Variants in NDC1 observed in about 807,000 individuals in gnomAD.
NDC1 encodes nucleoporin NDC1.
In NDC1, 24 loss-of-function variants were observed where a neutral mutation model predicts 89.8. That is an observed-to-expected ratio of 0.27 (90% CI 0.19 to 0.38). The LOEUF (loss-of-function observed/expected upper bound fraction) is 0.38, where lower values mean the gene tolerates loss of function less well. Ranked by LOEUF, NDC1 falls within the 10% of genes least tolerant of loss-of-function variation. The pLI is 1.00. For synonymous variants in NDC1, 296 were observed against 284.8 expected (o/e 1.04, Z -0.39); for missense variants, 728 against 797.6 (o/e 0.91, Z 1.05).
chr1:53,834,169 C>T (rs1649156281), intron 2 of NDC1, among the ~76,000 whole-genome samples: 1 of 152,226 alleles, frequency 6.6e-6, no homozygotes, highest in Non-Finnish European at 1.5e-5. Flanking sequence ...AAATCAAATC[C>T]AACCTGCAGA....
At chr1:53,815,665 ACT>A (rs1409449658) in intron 6 of NDC1, among the ~76,000 whole-genome samples, 1 of 152,188 alleles carries the variant, frequency 6.6e-6, no homozygotes, top group African/African-American at 2.4e-5. Context: ...TCAAACTGTC[ACT>A]GTTTGCTGAT....
In NDC1 at chr1:53,768,005, T is replaced by C. The variant is rs374774558; in HGVS notation, c.1990A>G (p.Lys664Glu). Residue 664 changes from lysine to glutamate, a missense_variant, in exon 18 of 18, where the codon AAA becomes GAA. Transcript: ENST00000371429. ...AACTCCAAGAACTGTTGAAGTCTTTTCTGATGTTCTGCAGATGCTTGCACA... is the reference window on the plus strand; with the variant it reads ...AACTCCAAGAACTGTTGAAGTCTTTCCTGATGTTCTGCAGATGCTTGCACA... ...NAVQASAEHQ[K>E]RLQQFLEFKE 1.8e-5 allele frequency: 29 copies of C among 1,609,656 alleles called. No homozygotes were observed. The Middle Eastern group carries it at 6.7e-4, about 37-fold the overall frequency.
intron 5 of NDC1, among the ~76,000 whole-genome samples, chr1:53,825,411 C>T (rs12091396): frequency 2.3e-4 from 33 of 144,380 alleles, no homozygotes; most frequent in African/African-American, 6.9e-4. Flanking sequence ...GCCGAGATTG[C>T]GCCATTGCAC....
chr1:53,778,647 G>A (rs148775354), intron 16 of NDC1, among the ~76,000 whole-genome samples: 1 of 151,776 alleles, frequency 6.6e-6, no homozygotes, highest in African/African-American at 2.4e-5. Context: ...GTAAATAAAA[G>A]CTCAGGGAAA....
intron 3 of NDC1, 123 bp downstream of exon 3, chr1:53,832,365 CAT>C (rs1649094555): frequency 1.8e-6 from 1 of 559,894 alleles, no homozygotes; most frequent in Middle Eastern, 4.8e-4. Flanking sequence ...ACATTTGAAG[CAT>C]ATGATTCTGT....
intron 17 of NDC1, among the ~76,000 whole-genome samples, chr1:53,770,247 G>A (rs1036732532): frequency 6.6e-6 from 1 of 151,846 alleles, no homozygotes; most frequent in African/African-American, 2.4e-5. Flanking sequence ...TCTTTTCAGA[G>A]AAAAGAAACT....
intron 16 of NDC1, among the ~76,000 whole-genome samples, chr1:53,780,399 G>C (rs989913427): frequency 6.6e-6 from 1 of 152,124 alleles, no homozygotes; most frequent in African/African-American, 2.4e-5. Context: ...ATGCACAGTG[G>C]CACTGTGGCA....
chr1:53,810,117 C>T (rs978408660), intron 6 of NDC1, among the ~76,000 whole-genome samples: 1 of 152,182 alleles, frequency 6.6e-6, no homozygotes, highest in Non-Finnish European at 1.5e-5. Flanking sequence ...GTGACCCAAT[C>T]CCATCAATTC....
Position 53,796,678 on chromosome 1 carries a change from T to C in NDC1, c.1584+11A>G, listed in dbSNP as rs189861365. ...CATGCAAATATAAATCCTATAACCA[T>C]ATCATCCTACCTGTTCACGTTTATT... is the stretch of plus-strand genomic sequence containing the variant. On this transcript the variant is annotated intron_variant, in intron 13 of 17. Transcript: ENST00000371429. 3.8e-5 allele frequency: 58 copies of C among 1,525,752 alleles called. No homozygotes were observed. The highest frequency in any genetic ancestry group is 2.1e-4 in the Middle Eastern group (1 of 4,856). 94.5% of individuals were successfully genotyped at this position (1,525,752 alleles called of 1,614,324 possible).
At chr1:53,794,739 G>A (rs1390506268) in intron 13 of NDC1, among the ~76,000 whole-genome samples, 1 of 152,096 alleles carries the variant, frequency 6.6e-6, no homozygotes, top group Non-Finnish European at 1.5e-5. Flanking sequence ...GGCAGGCATG[G>A]TGGCAGGCAC....
At chr1:53,775,547 C>T (rs982590184) in intron 16 of NDC1, among the ~76,000 whole-genome samples, 3 of 152,148 alleles carry the variant, frequency 2.0e-5, no homozygotes, top group African/African-American at 7.2e-5. Flanking sequence ...GCATGAGCTA[C>T]CGCACCTGGC....
rs145343342 is a variant in NDC1, at chr1:53,802,513, T to A, written c.1066+1415A>T. On this transcript the variant is annotated intron_variant, in intron 10 of 17. Coordinates refer to ENST00000371429, the MANE Select transcript of NDC1 (RefSeq NM_018087.5). Reference sequence around the variant, plus strand: ...AAGACCCTGTTTCAACAAAAATTTTTAAAAATTAGCCAGGTGTGGTGGTGC... The same window carrying A: ...AAGACCCTGTTTCAACAAAAATTTTAAAAAATTAGCCAGGTGTGGTGGTGC... 7.6e-3 allele frequency among the ~76,000 whole-genome samples: 1,149 copies of A among 152,152 alleles called. 8 individuals are homozygous for A. The highest frequency in any genetic ancestry group is 0.037 in the Middle Eastern group (11 of 294).
chr1:53,776,758 T>C (rs988899176), intron 16 of NDC1, among the ~76,000 whole-genome samples: 1 of 152,190 alleles, frequency 6.6e-6, no homozygotes, highest in Non-Finnish European at 1.5e-5. Context: ...CAATGAAAAC[T>C]AAAAGACTAC....
chr1:53,821,048 A>C (rs1310628061), intron 5 of NDC1, among the ~76,000 whole-genome samples: 1 of 152,100 alleles, frequency 6.6e-6, no homozygotes, highest in Non-Finnish European at 1.5e-5. Flanking sequence ...TTCTTCCTTA[A>C]GGAATTTCAG....
chr1:53,798,138 TTTATTA>T (rs71063883), intron 11 of NDC1, among the ~76,000 whole-genome samples: 5,367 of 132,956 alleles, frequency 0.04, 283 homozygotes, highest in Admixed American at 0.15. Context: ...CCATCTTCTT[TTTATTA>T]TTATTATTAT....
Position 53,800,679 on chromosome 1 carries a change from GTCC to G in NDC1, c.1222+11_1222+13del. On this transcript the variant is annotated intron_variant, in intron 11 of 17. Coordinates refer to ENST00000371429, the MANE Select transcript of NDC1 (RefSeq NM_018087.5). Reference sequence around the variant, plus strand: ...ATGTAAATGTTTTCCCCTCTTAGTAGTCCTAGGGATTACCTGGAGAATTTAATT... The same window carrying G: ...ATGTAAATGTTTTCCCCTCTTAGTAGTAGGGATTACCTGGAGAATTTAATT... 6.2e-7 allele frequency: 1 copy of G among 1,612,004 alleles called. No homozygotes were observed. The highest frequency in any genetic ancestry group is 1.1e-5 in the South Asian group (1 of 91,038).
At chr1:53,792,185 G>T (rs368216924) in intron 14 of NDC1, among the ~76,000 whole-genome samples, 1 of 151,954 alleles carries the variant, frequency 6.6e-6, no homozygotes, top group African/African-American at 2.4e-5. Context: ...CTCGTGATCC[G>T]CCCGCCTTGG....
rs1648834673 is a variant in NDC1 at position 53,825,813 on chromosome 1, T to C, written c.579A>G (p.Pro193=). Residue 193 remains proline (P), a synonymous_variant, in exon 5 of 18, where the codon CCA becomes CCG. Transcript: ENST00000371429. ...ATGATCTTACCTGTATGATGGGAAA[T>C]GGAAGATAGTTCATGTTGTTAACAA... ...LYFVNNMNYL[P]FPIIQQYKFL... The C allele has an allele frequency of 2.5e-6, 4 of 1,590,674 alleles. No individual in the cohort carries two copies. Among genetic ancestry groups the C allele is most frequent in the East Asian group, 2.2e-5 (1 of 44,502 alleles).
chr1:53,772,247 T>C, intron 17 of NDC1, 82 bp downstream of exon 17: 2 of 1,238,622 alleles, frequency 1.6e-6, no homozygotes, highest in Non-Finnish European at 1.2e-6. Flanking sequence ...TTTCAACACA[T>C]GAGCCTTATC....
Sources: allele counts gnomAD v4.1 joint callset (sites outside exome capture counted in the v4.1 genomes callset), GRCh38; gene constraint gnomAD v4.1.1; transcripts MANE v1.5; gene names NCBI Gene and HGNC (gene_info 2026-07-23, HGNC 2026-07-21).